IL34: variants seen among roughly 807,000 people sequenced by gnomAD.
IL34 encodes interleukin 34.
Under a neutral mutation model 25.3 loss-of-function variants are expected in IL34, and 17 were observed. The observed-to-expected ratio is 0.67, with a 90% CI of 0.46 to 1.01. The LOEUF is 1.01. Ranked by LOEUF, IL34 falls within the 50% of genes least tolerant of loss-of-function variation. IL34 has a pLI of 0.00. For missense variants in IL34, 368 were observed against 312.9 expected (o/e 1.18, Z -1.33); for synonymous variants, 174 against 140.9 (o/e 1.23, Z -1.66).
At chr16:70,653,742 G>A (rs146727183) in intron 1 of IL34, among the ~76,000 whole-genome samples, 1 of 152,152 alleles carries the variant, frequency 6.6e-6, no homozygotes, top group Non-Finnish European at 1.5e-5. Flanking sequence ...TATCTAGTTA[G>A]TGAGTCTGAT....
At chr16:70,603,858 A>C (rs560507629) in intron 1 of IL34, among the ~76,000 whole-genome samples, 17 of 152,348 alleles carry the variant, frequency 1.1e-4, no homozygotes, top group Admixed American at 1.1e-3. Flanking sequence ...CTGTGATTGC[A>C]GGTGTGCACC....
intron 2 of IL34, among the ~76,000 whole-genome samples, chr16:70,655,523 G>A (rs974848260): frequency 1.3e-5 from 2 of 151,922 alleles, no homozygotes; most frequent in African/African-American, 4.8e-5. Flanking sequence ...AAGTAGCTGG[G>A]ACTACAGGCA....
intron 1 of IL34, among the ~76,000 whole-genome samples, chr16:70,625,661 AAGGGAAGGCTGCCTTCCC>A (rs2051376525): frequency 6.6e-6 from 1 of 152,180 alleles, no homozygotes; most frequent in Non-Finnish European, 1.5e-5. Context: ...ATTAAACACC[AAGGGAAGGCTGCCTTCCC>A]AGTCCGTGAC....
At chr16:70,622,678 C>T (rs1442782059) in intron 1 of IL34, among the ~76,000 whole-genome samples, 2 of 151,856 alleles carry the variant, frequency 1.3e-5, no homozygotes, top group African/African-American at 4.8e-5. Context: ...TGTGGGGGGC[C>T]AGATTGAAGT....
Position 70,654,635 on chromosome 16 carries a change from G to C in IL34, c.126G>C (p.Arg42=). ...NEECTVTGFL[R]DKLQYRSRLQ... ...AGTGCACTGTCACGGGTTTTCTGCG[G>C]GACAAGCTGCAGTACAGGAGCCGAC... The change falls in exon 2 of 6, where the codon CGG becomes CGC. Residue 42 remains arginine, a synonymous_variant. Transcript: ENST00000288098. The C allele has an allele frequency of 6.2e-7, 1 of 1,613,104 alleles. No individual in the cohort carries two copies.
chr16:70,640,418 G>A (rs2051753029), intron 1 of IL34, among the ~76,000 whole-genome samples: 1 of 152,064 alleles, frequency 6.6e-6, no homozygotes, highest in African/African-American at 2.4e-5. Flanking sequence ...GAGGCCAGGA[G>A]ATCAAGAGCA....
chr16:70,656,727 C>A, intron 3 of IL34, 48 bp downstream of exon 3: 1 of 1,008,204 alleles, frequency 9.9e-7, no homozygotes. Context: ...CTGCGACATC[C>A]GGTGGGCCCC....
chr16:70,633,310 G>T (rs773721831), intron 1 of IL34, among the ~76,000 whole-genome samples: 125 of 151,608 alleles, frequency 8.2e-4, no homozygotes, highest in Admixed American at 1.6e-3. Context: ...CTGGAGTGCA[G>T]TGACAGGATC....
chr16:70,658,190 G>A (rs941791843), intron 4 of IL34, among the ~76,000 whole-genome samples: 10 of 152,186 alleles, frequency 6.6e-5, no homozygotes, highest in East Asian at 1.9e-4. Flanking sequence ...AGCTTCCGAC[G>A]GTGAAAGGGC....
At chr16:70,597,164 C>T (rs770511342) in intron 1 of IL34, among the ~76,000 whole-genome samples, 1 of 152,060 alleles carries the variant, frequency 6.6e-6, no homozygotes, top group Non-Finnish European at 1.5e-5. Flanking sequence ...TTCCTTATTT[C>T]CTAGGGGCCC....
chr16:70,653,504 G>A (rs535184891), intron 1 of IL34, among the ~76,000 whole-genome samples: 1 of 152,202 alleles, frequency 6.6e-6, no homozygotes, highest in East Asian at 1.9e-4. Flanking sequence ...TTCGAGGCAA[G>A]TCTGGCCAAC....
chr16:70,637,491 A>AT (rs1455731940), intron 1 of IL34, among the ~76,000 whole-genome samples: 2 of 151,820 alleles, frequency 1.3e-5, no homozygotes, highest in African/African-American at 4.8e-5. Flanking sequence ...GATTACAGGC[A>AT]TACACCATCA....
At chr16:70,628,638 C>T (rs1284824861) in intron 1 of IL34, among the ~76,000 whole-genome samples, 1 of 151,930 alleles carries the variant, frequency 6.6e-6, no homozygotes, top group African/African-American at 2.4e-5. Flanking sequence ...AGGCACCCGC[C>T]ACCATGCCTG....
chr16:70,624,747 G>A (rs950694124), intron 1 of IL34, among the ~76,000 whole-genome samples: 1 of 152,044 alleles, frequency 6.6e-6, no homozygotes, highest in Non-Finnish European at 1.5e-5. Context: ...AGCCAGACAG[G>A]GTGTGAGGAG....
At chr16:70,619,436 A>C (rs2051232347) in intron 1 of IL34, among the ~76,000 whole-genome samples, 1 of 152,104 alleles carries the variant, frequency 6.6e-6, no homozygotes, top group South Asian at 2.1e-4. Flanking sequence ...ATCTCGGCCT[A>C]ATAAGGGAAC....
chr16:70,648,500 A>C (rs2051996557), intron 1 of IL34, among the ~76,000 whole-genome samples: 1 of 146,588 alleles, frequency 6.8e-6, no homozygotes, highest in Admixed American at 6.9e-5. Flanking sequence ...CTGCAGTAGC[A>C]AGGATCGCAT....
At chr16:70,647,051 A>G in intron 1 of IL34, 76 bp downstream of exon 1, 1 of 1,263,086 alleles carries the variant, frequency 7.9e-7, no homozygotes. Flanking sequence ...TAACCATAGC[A>G]ACCAGGGCAT....
chr16:70,612,787 T>C (rs78360112), intron 1 of IL34, among the ~76,000 whole-genome samples: 2,735 of 152,248 alleles, frequency 0.018, 91 homozygotes, highest in African/African-American at 0.062. Flanking sequence ...TTAGAACACA[T>C]GTTTTTTGTT....
At chr16:70,658,750 T>G (rs1004810861) in intron 4 of IL34, among the ~76,000 whole-genome samples, 4 of 152,134 alleles carry the variant, frequency 2.6e-5, no homozygotes, top group African/African-American at 9.7e-5. Flanking sequence ...GGATTACAGG[T>G]TGAACCACCA....
Sources: allele counts gnomAD v4.1 joint callset (sites outside exome capture counted in the v4.1 genomes callset), GRCh38; gene constraint gnomAD v4.1.1; transcripts MANE v1.5; gene names NCBI Gene and HGNC (gene_info 2026-07-23, HGNC 2026-07-21).